ETS1: variants seen among roughly 807,000 people sequenced by gnomAD.
ETS1 encodes the protein ETS proto-oncogene 1, transcription factor.
In ETS1, 15 loss-of-function variants were observed where a neutral mutation model predicts 58.6. That is an observed-to-expected ratio of 0.26 (90% CI 0.17 to 0.39). The LOEUF is 0.39. Among genes scored for constraint, ETS1 ranks in the 10% least tolerant of loss-of-function variants. ETS1 has a pLI of 1.00. For synonymous variants in ETS1, 214 were observed against 218.2 expected (o/e 0.98, Z 0.17); for missense variants, 417 against 610.5 (o/e 0.68, Z 3.34).
At chr11:128,487,277 T>C (rs1050777384) in intron 5 of ETS1, among the ~76,000 whole-genome samples, 2 of 152,222 alleles carry the variant, frequency 1.3e-5, no homozygotes, top group African/African-American at 2.4e-5. Flanking sequence ...TGGGAAGATA[T>C]GACTTTTGCT....
rs572395139 is a variant in ETS1 at position 128,498,677 on chromosome 11, C to T, written c.215-8101G>A. Among the ~76,000 whole-genome samples, 12 of 152,216 alleles carry T rather than the reference C, an allele frequency of 7.9e-5. No homozygotes were observed. In the South Asian group the frequency reaches 1.7e-3, roughly 21 times the overall value. On this transcript the variant is annotated intron_variant, in intron 3 of 9. Transcript: ENST00000392668. ...TTGGAATCTGCCAAAACCCAAGCTG[C>T]GTTTTAATTGTCATTTATGGGCCTC... is the stretch of plus-strand genomic sequence containing the variant.
At chr11:128,533,934 A>G (rs1172022146) in intron 3 of ETS1, among the ~76,000 whole-genome samples, 3 of 152,264 alleles carry the variant, frequency 2.0e-5, no homozygotes, top group Non-Finnish European at 4.4e-5. Context: ...GACTAAATGA[A>G]TGAATAAAAT....
intron 3 of ETS1, among the ~76,000 whole-genome samples, chr11:128,500,401 C>T (rs1863056951): frequency 6.6e-6 from 1 of 152,030 alleles, no homozygotes; most frequent in Non-Finnish European, 1.5e-5. Context: ...TTTATTTATA[C>T]ATTATATAAA....
intron 8 of ETS1, among the ~76,000 whole-genome samples, chr11:128,478,244 AAGAG>A (rs1353900356): frequency 7.9e-5 from 12 of 151,324 alleles, no homozygotes; most frequent in African/African-American, 2.9e-4. Flanking sequence ...TTTCTGAAGA[AAGAG>A]AGAGAGAAAA....
rs1864845525 is a variant in ETS1, at chr11:128,580,559, T to A, written c.-15+6929A>T. 2.0e-5 allele frequency among the ~76,000 whole-genome samples: 3 copies of A among 152,300 alleles called. No individual in the cohort carries two copies. The South Asian group carries it at 6.2e-4, about 32-fold the overall frequency. On this transcript the variant is annotated intron_variant, in intron 1 of 9. Coordinates refer to ENST00000392668, the MANE Select transcript of ETS1 (RefSeq NM_001143820.2). The stretch of plus-strand genomic sequence containing the variant: ...AAAGGATTAGAAGAACTGAAGATGG[T>A]TTTTCTGTCTCACTACTAAATCTAC...
rs1591585812 is a variant in ETS1, at chr11:128,463,666, T to C, written c.1124-39A>G. The C allele has an allele frequency of 8.9e-7, 1 of 1,119,224 alleles. No individual in the cohort carries two copies. The highest frequency in any genetic ancestry group is 1.4e-6 in the Non-Finnish European group (1 of 729,638). 69.3% of individuals were successfully genotyped at this position (1,119,224 alleles called of 1,614,324 possible). On this transcript the variant is annotated intron_variant, in intron 8 of 9. Transcript: ENST00000392668. This position sits in a 1 kb window ranked among gnomAD's most constrained non-coding sequence, Gnocchi z 4.1. ...CCATTGTGAATCATTACACCAGATA[T>C]TCAGCACTCTACGCAGCTAATCCCC...
At chr11:128,533,532 T>A (rs940131598) in intron 3 of ETS1, among the ~76,000 whole-genome samples, 1 of 152,236 alleles carries the variant, frequency 6.6e-6, no homozygotes, top group African/African-American at 2.4e-5. Context: ...CCCTGCTCTC[T>A]GACAATCCTG....
At chr11:128,553,902 G>A (rs528446630) in intron 3 of ETS1, among the ~76,000 whole-genome samples, 6 of 152,148 alleles carry the variant, frequency 3.9e-5, no homozygotes, top group East Asian at 3.9e-4. Flanking sequence ...GACGGAGGAC[G>A]GGAAGGAAAC....
At chr11:128,575,642 C>T (rs372557803) in intron 1 of ETS1, among the ~76,000 whole-genome samples, 3 of 152,264 alleles carry the variant, frequency 2.0e-5, no homozygotes, top group East Asian at 1.9e-4. Flanking sequence ...GCAGTGGAAT[C>T]GACAGGCTCA....
rs1276685100 is a variant in ETS1 at position 128,460,129 on chromosome 11, A to G, written c.*2232T>C. On this transcript the variant is annotated 3_prime_UTR_variant, in exon 10 of 10. Transcript: ENST00000392668. Reference sequence around the variant, plus strand: ...ACACACACACACAACATTCACACACATGCACACATTCACACACACACCTTT... The same window carrying G: ...ACACACACACACAACATTCACACACGTGCACACATTCACACACACACCTTT... 1 of 152,612 alleles carries G rather than the reference A, an allele frequency of 6.6e-6. No homozygotes were observed. The highest frequency in any genetic ancestry group is 1.5e-5 in the Non-Finnish European group (1 of 68,052). 9.5% of individuals were successfully genotyped at this position (152,612 alleles called of 1,614,324 possible). A position where few individuals can be genotyped will look rare whatever the true frequency, so the allele number is the denominator to read the frequency against.
intron 8 of ETS1, among the ~76,000 whole-genome samples, chr11:128,466,942 G>C (rs1397859262): frequency 6.6e-6 from 1 of 152,128 alleles, no homozygotes; most frequent in Non-Finnish European, 1.5e-5. Flanking sequence ...GATTCCTGTA[G>C]AGAAACCCCA....
intron 6 of ETS1, 134 bp from the exon 7 acceptor site, chr11:128,485,205 G>C: frequency 1.3e-6 from 1 of 780,536 alleles, no homozygotes; most frequent in Non-Finnish European, 2.0e-6. Flanking sequence ...AATCAGAAAA[G>C]CTTGCATTTT....
chr11:128,564,094 G>T (rs542587717), intron 2 of ETS1, among the ~76,000 whole-genome samples: 1 of 152,154 alleles, frequency 6.6e-6, no homozygotes. Flanking sequence ...AAGGACATGG[G>T]CAAGGGCGTG....
intron 8 of ETS1, among the ~76,000 whole-genome samples, chr11:128,466,451 A>G (rs766041168): frequency 6.6e-6 from 1 of 152,198 alleles, no homozygotes; most frequent in Non-Finnish European, 1.5e-5. Context: ...GGCAGCCACA[A>G]TGCAGAGAAG....
chr11:128,495,499 A>T (rs1591616498), intron 3 of ETS1, among the ~76,000 whole-genome samples: 1 of 152,308 alleles, frequency 6.6e-6, no homozygotes, highest in East Asian at 1.9e-4. Flanking sequence ...TTCCTTCCAT[A>T]TGAAGCAAAT....
chr11:128,538,645 T>A (rs959437811), intron 3 of ETS1, among the ~76,000 whole-genome samples: 3 of 152,164 alleles, frequency 2.0e-5, no homozygotes, highest in Admixed American at 2.0e-4. Flanking sequence ...TTTGGTAAGA[T>A]TTAAACAGGG....
At chr11:128,536,057 T>C (rs949181819) in intron 3 of ETS1, among the ~76,000 whole-genome samples, 1 of 152,252 alleles carries the variant, frequency 6.6e-6, no homozygotes, top group Non-Finnish European at 1.5e-5. Flanking sequence ...GTAAGTTCTT[T>C]ATTACTCTCC....
chr11:128,577,032 C>T (rs1823235069), intron 1 of ETS1, among the ~76,000 whole-genome samples: 1 of 152,186 alleles, frequency 6.6e-6, no homozygotes, highest in Non-Finnish European at 1.5e-5. Context: ...GTCTCTCCAG[C>T]TAAATTCTCA....
intron 3 of ETS1, among the ~76,000 whole-genome samples, chr11:128,542,393 G>T (rs1864069854): frequency 6.6e-6 from 1 of 152,152 alleles, no homozygotes; most frequent in South Asian, 2.1e-4. Flanking sequence ...GAGGGTAAAA[G>T]AGAGACTTTA....
Sources: gnomAD v4.1 joint callset for allele counts (sites outside exome capture counted in the v4.1 genomes callset) on GRCh38, gnomAD v4.1.1 for gene constraint, Gnocchi (gnomAD v3.1) non-coding constraint, MANE v1.5 for transcripts, NCBI Gene and HGNC (gene_info 2026-07-23, HGNC 2026-07-21) for gene names.